Variants in SORCS2 observed in about 807,000 individuals in gnomAD.
SORCS2 encodes the protein VPS10 domain-containing receptor SorCS2.
A neutral mutation model predicts 141.6 loss-of-function variants in SORCS2; 100 were observed. The ratio of observed to expected loss-of-function variants is 0.71; its 90% CI spans 0.60 to 0.83. SORCS2 has a LOEUF of 0.83. Among genes scored for constraint, SORCS2 ranks in the 40% least tolerant of loss-of-function variants. The probability of loss-of-function intolerance (pLI) is 0.00; values close to 1 mark genes in which losing one functional copy is unlikely to be tolerated. For synonymous variants in SORCS2, 789 were observed against 676.9 expected, an observed-to-expected ratio of 1.17 and a Z score of -2.57; for missense variants, 1,646 against 1,560.2, an observed-to-expected ratio of 1.05 and a Z score of -0.93.
At chr4:7,511,972 A>T (rs1223585621) in intron 2 of SORCS2, among the ~76,000 whole-genome samples, 1 of 152,200 alleles carries the variant, frequency 6.6e-6, no homozygotes, top group African/African-American at 2.4e-5. Flanking sequence ...GCTGTGGGAG[A>T]CACGGTGCCC....
intron 2 of SORCS2, among the ~76,000 whole-genome samples, chr4:7,416,356 C>T (rs1160286186): frequency 2.0e-5 from 3 of 152,170 alleles, no homozygotes; most frequent in African/African-American, 4.8e-5. Flanking sequence ...CCTTGCCCTC[C>T]AGGACACAGT....
chr4:7,345,453 G>A (rs1720600543), intron 1 of SORCS2, among the ~76,000 whole-genome samples: 1 of 152,170 alleles, frequency 6.6e-6, no homozygotes, highest in African/African-American at 2.4e-5. Flanking sequence ...GGACCTCAGT[G>A]AGGGGCAGTA....
intron 3 of SORCS2, among the ~76,000 whole-genome samples, chr4:7,533,938 T>C (rs1483129831): frequency 6.6e-6 from 1 of 152,082 alleles, no homozygotes; most frequent in Non-Finnish European, 1.5e-5. Flanking sequence ...GGGGCTGCGA[T>C]GTGGGGTGCT....
intron 1 of SORCS2, among the ~76,000 whole-genome samples, chr4:7,338,726 G>T (rs911055074): frequency 6.6e-6 from 1 of 152,208 alleles, no homozygotes; most frequent in South Asian, 2.1e-4. Context: ...TAATTTAAAA[G>T]TATTTTATGT....
chr4:7,590,724 C>T (rs1358847107), intron 3 of SORCS2, among the ~76,000 whole-genome samples: 1 of 152,166 alleles, frequency 6.6e-6, no homozygotes, highest in African/African-American at 2.4e-5. Flanking sequence ...GACTTCATTC[C>T]TAAGATTCAT....
chr4:7,386,661 GCA>G (rs1240200851), intron 1 of SORCS2, among the ~76,000 whole-genome samples: 1 of 144,988 alleles, frequency 6.9e-6, no homozygotes, highest in Non-Finnish European at 1.5e-5. Context: ...AGAAATACAT[GCA>G]CACACACATA....
At chr4:7,504,579 C>CA (rs1358472364) in intron 2 of SORCS2, among the ~76,000 whole-genome samples, 1 of 152,220 alleles carries the variant, frequency 6.6e-6, no homozygotes, top group Non-Finnish European at 1.5e-5. Context: ...TTTGAACCCA[C>CA]ATCCATCTGG....
At position 7,483,248 on chromosome 4, in the gene SORCS2, G is replaced by A. The variant is rs977458867; in HGVS notation, c.549-48282G>A. Among the ~76,000 whole-genome samples the A allele has an allele frequency of 2.6e-5, 4 of 151,510 alleles. 1 individual carries two copies. Among genetic ancestry groups the A allele is most frequent in the Non-Finnish European group, 4.4e-5 (3 of 67,944 alleles). On this transcript the variant is annotated intron_variant, in intron 2 of 26. Coordinates refer to ENST00000507866, the MANE Select transcript of SORCS2 (RefSeq NM_020777.3). ...TGAGGCAGGAGGATGGCGTGAACCC[G>A]GGAGACGGAGGTTGAAGTGAACCGA...
Position 7,691,680 on chromosome 4 carries a change from C to T in SORCS2, c.1591+2092C>T, listed in dbSNP as rs145814326. Reference sequence around the variant, plus strand: ...GCCGCTGACTGCCTATCAGCTTCCACGCACAGACAGGCTCACCACCCACGT... The same window carrying T: ...GCCGCTGACTGCCTATCAGCTTCCATGCACAGACAGGCTCACCACCCACGT... On this transcript the variant is annotated intron_variant, in intron 11 of 26. Coordinates refer to ENST00000507866, the MANE Select transcript of SORCS2 (RefSeq NM_020777.3). Among the ~76,000 whole-genome samples, 127 of 152,266 alleles carry T rather than the reference C, an allele frequency of 8.3e-4. 2 individuals carry two copies. The East Asian group carries it at 0.019, about 23-fold the overall frequency.
chr4:7,345,436 A>T (rs1036411834), intron 1 of SORCS2, among the ~76,000 whole-genome samples: 2 of 152,170 alleles, frequency 1.3e-5, no homozygotes, highest in Non-Finnish European at 2.9e-5. Context: ...TTTACAAACG[A>T]GGTCATGGAC....
chr4:7,683,776 A>T (rs113665619), intron 10 of SORCS2, among the ~76,000 whole-genome samples: 2 of 152,166 alleles, frequency 1.3e-5, no homozygotes, highest in Non-Finnish European at 2.9e-5. Context: ...CCACTATCCC[A>T]GGGGCACCTT....
chr4:7,587,098 G>A (rs1352623775), intron 3 of SORCS2, among the ~76,000 whole-genome samples: 1 of 152,008 alleles, frequency 6.6e-6, no homozygotes, highest in African/African-American at 2.4e-5. Context: ...CCTGTCATGA[G>A]AGGTGCGCAA....
chr4:7,729,708 A>G lies in SORCS2; in HGVS notation c.3104A>G (p.Asp1035Gly), dbSNP rs1711523798. 2 of 1,611,222 alleles carry G rather than the reference A, an allele frequency of 1.2e-6. No individual in the cohort carries two copies. Among genetic ancestry groups the G allele is most frequent in the South Asian group, 1.1e-5 (1 of 90,188 alleles). ...RPTRKRSLSS[D>G]KRLAAIQQVL... ...ACAAGGAAGAGGAGCCTCTCGAGTG[A>G]TAAGGTATGTCCTGTGGCCGCTGCA... Residue 1035 changes from aspartate to glycine, a missense_variant, in exon 23 of 27, where the codon GAT becomes GGT. Physicochemically the swap from Asp to Gly is moderately conservative, Grantham distance 94. Transcript: ENST00000507866.
intron 1 of SORCS2, among the ~76,000 whole-genome samples, chr4:7,294,726 T>TC (rs1716857772): frequency 2.1e-5 from 1 of 46,928 alleles, no homozygotes; most frequent in Non-Finnish European, 3.8e-5. Flanking sequence ...TCCCTCCTCC[T>TC]CCTCCTCCCC....
Position 7,714,309 on chromosome 4 carries a change from G to A in SORCS2, c.2059G>A (p.Gly687Arg). ...KRKSTSWCIK[G>R]RSFTSALTSR... ...AAAGTCCACGTCCTGGTGCATCAAGGGGAGGAGCTTCACGTCGGCGCTCAC... is the reference window on the plus strand; with the variant it reads ...AAAGTCCACGTCCTGGTGCATCAAGAGGAGGAGCTTCACGTCGGCGCTCAC... Residue 687 changes from glycine to arginine, a missense_variant, in exon 16 of 27, where the codon GGG becomes AGG. Transcript: ENST00000507866. 1.2e-6 allele frequency: 2 copies of A among 1,601,038 alleles called. No homozygotes were observed. The highest frequency in any genetic ancestry group is 1.1e-5 in the South Asian group (1 of 88,196).
Position 7,644,187 on chromosome 4 carries a change from A to G in SORCS2, c.813+5695A>G, listed in dbSNP as rs150124298. ...AGTGTAGACCCACCAGGAAGTTTCTACCTCTGCCCATCAGGAAGGTGGGGA... is the reference window on the plus strand; with the variant it reads ...AGTGTAGACCCACCAGGAAGTTTCTGCCTCTGCCCATCAGGAAGGTGGGGA... On this transcript the variant is annotated intron_variant, in intron 4 of 26. Coordinates refer to ENST00000507866, the MANE Select transcript of SORCS2 (RefSeq NM_020777.3). 2.6e-5 allele frequency among the ~76,000 whole-genome samples: 4 copies of G among 152,236 alleles called. No individual in the cohort carries two copies. The East Asian group carries it at 7.7e-4, about 29-fold the overall frequency.
chr4:7,741,616 A>G lies in SORCS2; in HGVS notation c.*1352A>G. 1 of 190,812 alleles carries G rather than the reference A, an allele frequency of 5.2e-6. No homozygotes were observed. Among genetic ancestry groups the G allele is most frequent in the East Asian group, 1.1e-4 (1 of 9,278 alleles). 11.8% of individuals were successfully genotyped at this position (190,812 alleles called of 1,614,324 possible). A position where few individuals can be genotyped will look rare whatever the true frequency, so the allele number is the denominator to read the frequency against. ...GATGTGCTGGCTGGGGGTGAATCCC[A>G]ATGAGGGTCCCTCTCAGAGCGGGAG... On this transcript the variant is annotated 3_prime_UTR_variant, in exon 27 of 27. Transcript: ENST00000507866.
At chr4:7,712,125 C>T (rs1076228) in intron 14 of SORCS2, among the ~76,000 whole-genome samples, 7,889 of 152,254 alleles carry the variant, frequency 0.052, 513 homozygotes, top group East Asian at 0.35. Context: ...CCGCCTCTTC[C>T]CCCACCCACC....
intron 1 of SORCS2, among the ~76,000 whole-genome samples, chr4:7,230,830 G>T (rs1437688513): frequency 1.6e-5 from 2 of 124,120 alleles, no homozygotes; most frequent in Non-Finnish European, 3.5e-5. Flanking sequence ...GAGCAGTGTG[G>T]TGTGCTCATG....
Sources: gnomAD v4.1 joint callset for allele counts (sites outside exome capture counted in the v4.1 genomes callset) on GRCh38, gnomAD v4.1.1 for gene constraint, MANE v1.5 for transcripts, NCBI Gene and HGNC (gene_info 2026-07-23, HGNC 2026-07-21) for gene names.